The following PGCKA1 variants were observed in gnomAD, a reference collection of about 807,000 sequenced individuals.
PGCKA1 encodes the protein PDCD10 and GCKIII kinases associated 1.
the PGCKA1 span, among the ~76,000 whole-genome samples, chr4:37,454,911 G>T: frequency 6.6e-6 from 1 of 152,312 alleles, no homozygotes; most frequent in South Asian, 2.1e-4. Context: ...CCCCATGATG[G>T]ATATTTGCCC....
chr4:37,564,784 G>A, the PGCKA1 span, among the ~76,000 whole-genome samples: 3 of 152,194 alleles, frequency 2.0e-5, no homozygotes, highest in Admixed American at 6.5e-5. Flanking sequence ...TGGGATTAAA[G>A]GTGCGAGCCA....
the PGCKA1 span, among the ~76,000 whole-genome samples, chr4:37,476,527 C>G: frequency 0.018 from 2,706 of 152,276 alleles, 29 homozygotes; most frequent in Non-Finnish European, 0.029. Flanking sequence ...CACCTAGTAG[C>G]TGTTGAAACA....
At chr4:37,494,943 A>G in the PGCKA1 span, among the ~76,000 whole-genome samples, 3 of 151,942 alleles carry the variant, frequency 2.0e-5, no homozygotes, top group Non-Finnish European at 2.9e-5. Context: ...GTGTCTGTTC[A>G]GCAACCTACA....
At chr4:37,526,369 G>A in the PGCKA1 span, among the ~76,000 whole-genome samples, 104 of 152,246 alleles carry the variant, frequency 6.8e-4, no homozygotes, top group Middle Eastern at 3.4e-3. Flanking sequence ...CACTTGGCCC[G>A]TAGGATTCTA....
the PGCKA1 span, among the ~76,000 whole-genome samples, chr4:37,587,156 C>A: frequency 6.6e-6 from 1 of 152,258 alleles, no homozygotes; most frequent in Middle Eastern, 3.4e-3. Context: ...TTTTTGGTCA[C>A]ATTGCCTCTT....
At chr4:37,590,662 G>A in the PGCKA1 span, 1 of 1,614,114 alleles carries the variant, frequency 6.2e-7, no homozygotes, top group Non-Finnish European at 8.5e-7. Flanking sequence ...TGATCATAAT[G>A]AAAAGGACTG....
the PGCKA1 span, among the ~76,000 whole-genome samples, chr4:37,564,290 AGAAAG>A: frequency 1.4e-4 from 6 of 41,524 alleles, no homozygotes; most frequent in South Asian, 1.3e-3. Context: ...AAAAAAAAAA[AGAAAG>A]AAAAAAAACC....
chr4:37,538,107 C>G, the PGCKA1 span, among the ~76,000 whole-genome samples: 25 of 151,160 alleles, frequency 1.7e-4, 1 homozygote, highest in Admixed American at 1.5e-3. Context: ...GCATCAGAAC[C>G]AGAGCCTCAA....
At chr4:37,546,228 T>C in the PGCKA1 span, among the ~76,000 whole-genome samples, 2 of 152,310 alleles carry the variant, frequency 1.3e-5, no homozygotes, top group Admixed American at 1.3e-4. Context: ...TTTTATATTG[T>C]TTTATACTCA....
chr4:37,464,025 T>C, the PGCKA1 span, among the ~76,000 whole-genome samples: 1 of 152,082 alleles, frequency 6.6e-6, no homozygotes, highest in Non-Finnish European at 1.5e-5. Context: ...AAGTCAGAAA[T>C]TATGAGATTC....
the PGCKA1 span, among the ~76,000 whole-genome samples, chr4:37,478,977 C>T: frequency 6.6e-6 from 1 of 152,182 alleles, no homozygotes; most frequent in Non-Finnish European, 1.5e-5. Context: ...TTTCTTCCTT[C>T]AGTATTGGCA....
chr4:37,479,485 GAATT>G, the PGCKA1 span, among the ~76,000 whole-genome samples: 1 of 152,016 alleles, frequency 6.6e-6, no homozygotes, highest in Non-Finnish European at 1.5e-5. Flanking sequence ...TTAGATTCAA[GAATT>G]AATGAAATAA....
chr4:37,577,871 G>A, the PGCKA1 span, among the ~76,000 whole-genome samples: 1 of 151,848 alleles, frequency 6.6e-6, no homozygotes, highest in African/African-American at 2.4e-5. Flanking sequence ...ATTCCTCTTG[G>A]TATTGATTTC....
chr4:37,463,016 G>A, the PGCKA1 span, among the ~76,000 whole-genome samples: 2 of 150,986 alleles, frequency 1.3e-5, no homozygotes, highest in Non-Finnish European at 2.9e-5. Flanking sequence ...GACCTGGAAG[G>A]GGTCTTCAGT....
chr4:37,502,019 C>T, the PGCKA1 span, among the ~76,000 whole-genome samples: 1 of 152,182 alleles, frequency 6.6e-6, no homozygotes, highest in Non-Finnish European at 1.5e-5. Flanking sequence ...ATCTCCTAGA[C>T]TGCATGCCCT....
the PGCKA1 span, among the ~76,000 whole-genome samples, chr4:37,577,176 A>T: frequency 2.0e-5 from 3 of 152,106 alleles, no homozygotes; most frequent in Non-Finnish European, 2.9e-5. Flanking sequence ...TCTTCTTTAA[A>T]TATTTGGTAG....
the PGCKA1 span, among the ~76,000 whole-genome samples, chr4:37,549,010 G>A: frequency 6.6e-6 from 1 of 152,286 alleles, no homozygotes; most frequent in East Asian, 1.9e-4. Flanking sequence ...CTACAGCCTG[G>A]AGTAATAAGT....
At chr4:37,575,779 A>G in the PGCKA1 span, among the ~76,000 whole-genome samples, 3 of 152,078 alleles carry the variant, frequency 2.0e-5, no homozygotes, top group African/African-American at 4.8e-5. Flanking sequence ...TTTTATATAC[A>G]GCAAGAGAGA....
the PGCKA1 span, chr4:37,591,088 C>A: frequency 9.4e-7 from 1 of 1,065,986 alleles, no homozygotes; most frequent in Non-Finnish European, 1.4e-6. Flanking sequence ...GGTGATTCTG[C>A]CAGCATGCAC....
Sources: gnomAD v4.1 joint callset for allele counts (sites outside exome capture counted in the v4.1 genomes callset) on GRCh38, gnomAD v4.1.1 for gene constraint, MANE v1.5 for transcripts, NCBI Gene and HGNC (gene_info 2026-07-23, HGNC 2026-07-21) for gene names.